The following LRP1B variants were observed in gnomAD, a reference collection of about 807,000 sequenced individuals.
The protein encoded by LRP1B is LDL receptor related protein 1B.
In LRP1B, 217 loss-of-function variants were observed where a neutral mutation model predicts 556.6. The ratio of observed to expected loss-of-function variants is 0.39; its 90% CI spans 0.35 to 0.44. LRP1B has a LOEUF of 0.44. LRP1B is among the 20% of genes least tolerant of loss of function. LRP1B has a pLI of 1.00. For synonymous variants in LRP1B, 2,047 were observed against 1,865.8 expected (o/e 1.10, Z -2.50); for missense variants, 5,053 against 5,620.8 (o/e 0.90, Z 3.23).
chr2:141,872,636 G>A (rs751916023), intron 1 of LRP1B, among the ~76,000 whole-genome samples: 11 of 151,380 alleles, frequency 7.3e-5, no homozygotes, highest in Non-Finnish European at 1.3e-4. Flanking sequence ...TATGTAACAT[G>A]AAAAAATGAT....
At chr2:140,976,306 T>C (rs1696595075) in intron 18 of LRP1B, among the ~76,000 whole-genome samples, 1 of 151,952 alleles carries the variant, frequency 6.6e-6, no homozygotes, top group African/African-American at 2.4e-5. Flanking sequence ...TACTGTCCTC[T>C]CTTTTCTCTT....
intron 83 of LRP1B, among the ~76,000 whole-genome samples, chr2:140,308,729 G>C (rs988033497): frequency 4.0e-5 from 6 of 151,742 alleles, no homozygotes; most frequent in Admixed American, 3.3e-4. Flanking sequence ...TGAGTGTAAG[G>C]AATAGCAGTA....
chr2:141,473,032 G>A (rs1472738823), intron 3 of LRP1B, among the ~76,000 whole-genome samples: 1 of 121,262 alleles, frequency 8.2e-6, no homozygotes. Flanking sequence ...TTCCCCAGAG[G>A]TATTTACTTA....
At chr2:141,928,814 C>T (rs1461433551) in intron 1 of LRP1B, among the ~76,000 whole-genome samples, 1 of 152,092 alleles carries the variant, frequency 6.6e-6, no homozygotes, top group Non-Finnish European at 1.5e-5. Flanking sequence ...ACAAGTAAGT[C>T]CTCTACTTTT....
At chr2:141,163,118 C>T (rs1328581006) in intron 7 of LRP1B, among the ~76,000 whole-genome samples, 3 of 152,052 alleles carry the variant, frequency 2.0e-5, no homozygotes, top group Non-Finnish European at 4.4e-5. Context: ...TACTACTTTT[C>T]CTTCTTCCTT....
chr2:140,272,991 C>A (rs1273500394), intron 85 of LRP1B, among the ~76,000 whole-genome samples: 2 of 151,898 alleles, frequency 1.3e-5, no homozygotes, highest in African/African-American at 2.4e-5. Context: ...GGAGAAGGGA[C>A]TTTTGACTGT....
At chr2:140,735,556 G>A (rs1305682673) in intron 35 of LRP1B, among the ~76,000 whole-genome samples, 1 of 152,114 alleles carries the variant, frequency 6.6e-6, no homozygotes, top group African/African-American at 2.4e-5. Flanking sequence ...TGGAAAACCT[G>A]GGAACCTGAA....
intron 1 of LRP1B, among the ~76,000 whole-genome samples, chr2:142,109,726 T>C (rs1706889557): frequency 6.6e-6 from 1 of 152,192 alleles, no homozygotes; most frequent in African/African-American, 2.4e-5. Flanking sequence ...TGTCTAAAAT[T>C]ACTGGTTTTA....
chr2:141,156,825 C>T (rs888675303), intron 7 of LRP1B, among the ~76,000 whole-genome samples: 6 of 151,974 alleles, frequency 3.9e-5, no homozygotes, highest in African/African-American at 1.2e-4. Context: ...AAGTCAAAGT[C>T]TGGAAACAAA....
At chr2:141,402,566 T>A (rs1690485984) in intron 3 of LRP1B, among the ~76,000 whole-genome samples, 1 of 152,122 alleles carries the variant, frequency 6.6e-6, no homozygotes, top group South Asian at 2.1e-4. Context: ...AAATAAATAT[T>A]TTACAATGAA....
chr2:141,164,638 T>C (rs780662954), intron 7 of LRP1B, among the ~76,000 whole-genome samples: 9 of 152,080 alleles, frequency 5.9e-5, no homozygotes, highest in Non-Finnish European at 1.2e-4. Context: ...TCTTTTTCTC[T>C]GTAGTCTTTA....
At chr2:141,365,206 T>G (rs985077090) in intron 3 of LRP1B, among the ~76,000 whole-genome samples, 3 of 151,706 alleles carry the variant, frequency 2.0e-5, no homozygotes, top group Admixed American at 1.3e-4. Flanking sequence ...AAAAAAATTA[T>G]GATGCATCTT....
intron 3 of LRP1B, among the ~76,000 whole-genome samples, chr2:141,340,317 C>T (rs1688010882): frequency 6.6e-6 from 1 of 152,188 alleles, no homozygotes; most frequent in South Asian, 2.1e-4. Flanking sequence ...CTGACTATAT[C>T]AATTCTTTTT....
At position 141,351,041 on chromosome 2, in the gene LRP1B, C is replaced by T. The variant is rs865892598; in HGVS notation, c.344-96400G>A. On this transcript the variant is annotated intron_variant, in intron 3 of 90. Coordinates refer to ENST00000389484, the MANE Select transcript of LRP1B (RefSeq NM_018557.3). The stretch of plus-strand genomic sequence containing the variant: ...TTTGGCAATAATCTAATCATTATAA[C>T]GGGTACACTTACTTGTTTGAGATCC... Among the ~76,000 whole-genome samples the T allele has an allele frequency of 8.5e-5, 13 of 152,080 alleles. 1 individual carries two copies. Among genetic ancestry groups the T allele is most frequent in the South Asian group, 6.2e-4 (3 of 4,826 alleles).
At chr2:141,898,191 C>A (rs1055673537) in intron 1 of LRP1B, among the ~76,000 whole-genome samples, 1 of 152,062 alleles carries the variant, frequency 6.6e-6, no homozygotes, top group African/African-American at 2.4e-5. Flanking sequence ...CAAACAAAAC[C>A]TTGATATGCT....
chr2:141,768,563 G>A (rs1439247502), intron 2 of LRP1B, among the ~76,000 whole-genome samples: 4 of 152,032 alleles, frequency 2.6e-5, no homozygotes, highest in Non-Finnish European at 4.4e-5. Flanking sequence ...TTAAAGAATG[G>A]TTACCATTTT....
At position 141,203,584 on chromosome 2, in the gene LRP1B, G is replaced by A. The variant is rs536329098; in HGVS notation, c.851-15001C>T. Among the ~76,000 whole-genome samples, 1,055 of 152,072 alleles carry A rather than the reference G, an allele frequency of 6.9e-3. 10 individuals carry two copies. Among genetic ancestry groups the A allele is most frequent in the African/African-American group, 0.023 (954 of 41,474 alleles). ...GACTTAGACTCCCACACAATAATGGGGGGGGAGGACTTTAACACCCCACTG... is the reference window on the plus strand; with the variant it reads ...GACTTAGACTCCCACACAATAATGGAGGGGGAGGACTTTAACACCCCACTG... On this transcript the variant is annotated intron_variant, in intron 6 of 90. Coordinates refer to ENST00000389484, the MANE Select transcript of LRP1B (RefSeq NM_018557.3).
chr2:140,753,385 G>T (rs74955206), intron 35 of LRP1B, among the ~76,000 whole-genome samples: 7,919 of 152,090 alleles, frequency 0.052, 321 homozygotes, highest in African/African-American at 0.11. Flanking sequence ...TTTAAACTAA[G>T]ATTTAGTTAC....
At chr2:142,036,553 T>G (rs1703887607) in intron 1 of LRP1B, among the ~76,000 whole-genome samples, 1 of 151,664 alleles carries the variant, frequency 6.6e-6, no homozygotes, top group South Asian at 2.1e-4. Flanking sequence ...ATTCTTAAAT[T>G]TTTAAAAACC....
Sources: allele counts gnomAD v4.1 joint callset (sites outside exome capture counted in the v4.1 genomes callset), GRCh38; gene constraint gnomAD v4.1.1; transcripts MANE v1.5; gene names NCBI Gene and HGNC (gene_info 2026-07-23, HGNC 2026-07-21).